The following PRKCB variants were observed in gnomAD, a reference collection of about 807,000 sequenced individuals.
The protein encoded by PRKCB is protein kinase C beta type.
PRKCB carries 13 observed loss-of-function variants against 81.5 expected under a neutral mutation model. That is an observed-to-expected ratio of 0.16 (90% CI 0.10 to 0.25). The LOEUF is 0.25. Ranked by LOEUF, PRKCB falls within the 10% of genes least tolerant of loss-of-function variation. The pLI is 1.00. For missense variants in PRKCB, 509 were observed against 875.7 expected, an observed-to-expected ratio of 0.58 and a Z score of 5.29; for synonymous variants, 335 against 321.4, an observed-to-expected ratio of 1.04 and a Z score of -0.45.
chr16:24,174,369 C>A, intron 11 of PRKCB, 149 bp from the exon 12 acceptor site: 1 of 687,250 alleles, frequency 1.5e-6, no homozygotes, highest in Non-Finnish European at 2.4e-6. Flanking sequence ...TCCATCTGTA[C>A]TTTCAGCACT....
At chr16:24,208,133 T>C (rs776011839) in intron 16 of PRKCB, 5 of 152,264 alleles carry the variant, frequency 3.3e-5, no homozygotes, top group African/African-American at 7.2e-5. Context: ...TAGCTGGCCA[T>C]GGTGGTGTGC....
chr16:23,975,084 C>T (rs377049775), intron 2 of PRKCB, among the ~76,000 whole-genome samples: 16 of 152,296 alleles, frequency 1.1e-4, no homozygotes, highest in South Asian at 2.1e-4. Context: ...AGGGAGTGGA[C>T]GCTGGGCAGG....
At chr16:24,212,461 CTTTT>C (rs975667798) in intron 16 of PRKCB, among the ~76,000 whole-genome samples, 206 of 78,022 alleles carry the variant, frequency 2.6e-3, no homozygotes, top group Non-Finnish European at 4.5e-3. Flanking sequence ...CTTTTTTTTC[CTTTT>C]TTTTTTTTTT....
intron 2 of PRKCB, among the ~76,000 whole-genome samples, chr16:23,978,198 C>T (rs1244354410): frequency 3.9e-5 from 6 of 152,314 alleles, no homozygotes; most frequent in East Asian, 1.9e-4. Flanking sequence ...TCCTATTTCA[C>T]GACTCTGGAC....
intron 3 of PRKCB, among the ~76,000 whole-genome samples, chr16:24,022,259 C>T (rs1189032697): frequency 6.6e-6 from 1 of 152,030 alleles, no homozygotes; most frequent in Non-Finnish European, 1.5e-5. Flanking sequence ...GGTAGGGAGT[C>T]TGGCAGAGGT....
intron 4 of PRKCB, 71 bp from the exon 5 acceptor site, chr16:24,035,348 G>C: frequency 6.4e-7 from 1 of 1,564,594 alleles, no homozygotes; most frequent in South Asian, 1.2e-5. Flanking sequence ...CAGCGGTCTT[G>C]GGTGGGGCAG....
chr16:24,049,201 G>T (rs931570664), intron 5 of PRKCB, among the ~76,000 whole-genome samples: 1 of 151,432 alleles, frequency 6.6e-6, no homozygotes, highest in African/African-American at 2.4e-5. Context: ...ACCAGGGAAT[G>T]GGTTATGTGA....
chr16:23,848,155 A>G (rs1038553410), intron 2 of PRKCB, among the ~76,000 whole-genome samples: 1 of 152,144 alleles, frequency 6.6e-6, no homozygotes, highest in Non-Finnish European at 1.5e-5. Flanking sequence ...GGTGAACGTC[A>G]TATCAGAGGG....
chr16:23,875,640 T>G (rs371808787), intron 2 of PRKCB, among the ~76,000 whole-genome samples: 1 of 97,730 alleles, frequency 1.0e-5, no homozygotes, highest in Non-Finnish European at 2.2e-5. Flanking sequence ...ATATCACACA[T>G]ATATGTATGT....
intron 2 of PRKCB, among the ~76,000 whole-genome samples, chr16:23,967,352 G>A (rs1964501959): frequency 6.6e-6 from 1 of 152,226 alleles, no homozygotes; most frequent in Non-Finnish European, 1.5e-5. Flanking sequence ...CTTCCTCATA[G>A]TCACCCATGG....
intron 2 of PRKCB, among the ~76,000 whole-genome samples, chr16:23,936,449 C>G (rs768356599): frequency 6.6e-6 from 1 of 152,080 alleles, no homozygotes; most frequent in African/African-American, 2.4e-5. Flanking sequence ...GGGTCTCGCT[C>G]TCACCCAGGT....
intron 15 of PRKCB, among the ~76,000 whole-genome samples, chr16:24,190,144 A>G (rs936176789): frequency 2.6e-5 from 4 of 152,238 alleles, no homozygotes; most frequent in African/African-American, 9.6e-5. Context: ...GGAACACCAA[A>G]GAAACCTCAG....
At chr16:24,063,331 G>A (rs1965996091) in intron 5 of PRKCB, among the ~76,000 whole-genome samples, 2 of 147,886 alleles carry the variant, frequency 1.4e-5, no homozygotes, top group Non-Finnish European at 3.0e-5. Context: ...GTCTCACTCT[G>A]TTGCCCAGGC....
intron 2 of PRKCB, among the ~76,000 whole-genome samples, chr16:23,960,183 C>T (rs1964406615): frequency 6.6e-6 from 1 of 152,160 alleles, no homozygotes; most frequent in Admixed American, 6.5e-5. Flanking sequence ...TATTAAGCTC[C>T]AGTGACCCAG....
rs1480201046 is a variant in PRKCB, at chr16:24,102,977, A to C, written c.821+8680A>C. On this transcript the variant is annotated intron_variant, in intron 7 of 16. Coordinates refer to ENST00000643927, the MANE Select transcript of PRKCB (RefSeq NM_002738.7). The stretch of plus-strand genomic sequence containing the variant: ...GGCACAGTCTCTGCAGGTTCAAGCG[A>C]CTCTCCTGACTGAGCCTCTTGAGTA... Among the ~76,000 whole-genome samples the C allele has an allele frequency of 3.3e-5, 5 of 151,484 alleles. No individual in the cohort carries two copies. The South Asian group carries it at 1.0e-3, about 32-fold the overall frequency.
At chr16:24,147,349 G>T (rs1010850439) in intron 9 of PRKCB, among the ~76,000 whole-genome samples, 1 of 151,504 alleles carries the variant, frequency 6.6e-6, no homozygotes, top group African/African-American at 2.4e-5. Flanking sequence ...GAGGCAGAAA[G>T]GTCTGCCCAA....
In PRKCB at chr16:24,215,618, G is replaced by T; in HGVS notation, c.*802G>T. The stretch of plus-strand genomic sequence containing the variant: ...CAAACTTTATTTGCTTTGGGGTTTT[G>T]TTTCTGTTGTTGTTCAAATGCAAAA... On this transcript the variant is annotated 3_prime_UTR_variant, in exon 17 of 17. Coordinates refer to ENST00000643927, the MANE Select transcript of PRKCB (RefSeq NM_002738.7). 1.0e-6 allele frequency: 1 copy of T among 983,142 alleles called. No individual in the cohort carries two copies. Among genetic ancestry groups the T allele is most frequent in the South Asian group, 4.7e-5 (1 of 21,186 alleles). The allele number at this position is 983,142 out of a possible 1,614,324, so 60.9% of individuals were successfully genotyped here.
intron 3 of PRKCB, among the ~76,000 whole-genome samples, chr16:24,013,221 A>C (rs984818637): frequency 1.3e-5 from 2 of 152,176 alleles, no homozygotes; most frequent in African/African-American, 4.8e-5. Context: ...TCTTGCTGTC[A>C]CATATCTTAG....
At chr16:24,166,318 T>C (rs775954858) in intron 10 of PRKCB, among the ~76,000 whole-genome samples, 10 of 152,176 alleles carry the variant, frequency 6.6e-5, no homozygotes, top group Non-Finnish European at 1.2e-4. Flanking sequence ...ATAAGTCAAT[T>C]TTAGTAGAGG....
Sources: allele counts gnomAD v4.1 joint callset (sites outside exome capture counted in the v4.1 genomes callset), GRCh38; gene constraint gnomAD v4.1.1; transcripts MANE v1.5; gene names NCBI Gene and HGNC (gene_info 2026-07-23, HGNC 2026-07-21).